MUC4: variants seen among roughly 807,000 people sequenced by gnomAD.
MUC4 encodes the protein mucin-4.
MUC4 carries 202 observed loss-of-function variants against 257.9 expected under a neutral mutation model. The observed-to-expected ratio is 0.78, with a 90% CI of 0.70 to 0.88. The LOEUF (loss-of-function observed/expected upper bound fraction) is 0.88, where lower values mean the gene tolerates loss of function less well. MUC4 is among the 40% of genes least tolerant of loss of function. The pLI is 0.00. For missense variants in MUC4, 5,976 were observed against 6,513.7 expected (o/e 0.92, Z 2.84); for synonymous variants, 2,351 against 2,757.1 (o/e 0.85, Z 4.62).
intron 24 of MUC4, among the ~76,000 whole-genome samples, chr3:195,747,929 G>A (rs73203984): frequency 7.3e-3 from 1,107 of 152,244 alleles, no homozygotes; most frequent in Admixed American, 9.3e-3. Flanking sequence ...GGGCGGCAGG[G>A]ATGCCGGCCA....
chr3:195,758,890 C>T (rs1275176684), intron 17 of MUC4, among the ~76,000 whole-genome samples: 1 of 151,952 alleles, frequency 6.6e-6, no homozygotes, highest in Non-Finnish European at 1.5e-5. Context: ...TTCTATGTGC[C>T]CAGAGTCACT....
chr3:195,775,499 G>C (rs367581382), intron 3 of MUC4, among the ~76,000 whole-genome samples: 516 of 14,406 alleles, frequency 0.036, 2 homozygotes, highest in South Asian at 0.048. Context: ...ACCTTCCACA[G>C]CCATACCTTC....
intron 19 of MUC4, 40 bp from the exon 20 acceptor site, chr3:195,753,270 C>A: frequency 6.3e-7 from 1 of 1,598,612 alleles, no homozygotes; most frequent in Admixed American, 1.7e-5. Flanking sequence ...GCGCGCAGGG[C>A]AGCAGAGGGA....
At chr3:195,759,931 A>ACG (rs1191082105) in intron 16 of MUC4, among the ~76,000 whole-genome samples, 12 of 150,732 alleles carry the variant, frequency 8.0e-5, no homozygotes, top group Admixed American at 1.3e-4. Flanking sequence ...ACACACACAC[A>ACG]CACGCACAAA....
rs1578425236 is a variant in MUC4, at chr3:195,789,217, C to T, written c.2363G>A (p.Ser788Asn). The T allele has an allele frequency of 6.2e-7, 1 of 1,613,834 alleles. No homozygotes were observed. Residue 788 changes from serine (S) to asparagine (N), a missense_variant, in exon 2 of 25, where the codon AGC (serine) becomes AAC (asparagine). Ser to Asn is a conservative substitution (Grantham distance 46, BLOSUM62 1). Coordinates refer to ENST00000463781, the MANE Select transcript of MUC4 (RefSeq NM_018406.7). Reference protein sequence around the residue: ...STEASGQTQTSEPASSGSRTT... With the variant: ...STEASGQTQTNEPASSGSRTT... Reference sequence around the variant, plus strand: ...TCGTGACCCTGAGGAGGCCGGTTCGCTGGTCTGTGTTTGTCCAGAGGCCTC... The same window carrying T: ...TCGTGACCCTGAGGAGGCCGGTTCGTTGGTCTGTGTTTGTCCAGAGGCCTC...
intron 17 of MUC4, 99 bp downstream of exon 17, chr3:195,759,025 A>G: frequency 1.4e-6 from 2 of 1,425,368 alleles, no homozygotes; most frequent in Non-Finnish European, 1.9e-6. Flanking sequence ...AGTGACAGCA[A>G]GTGTTGCTGG....
chr3:195,771,156 T>G (rs1722780735), intron 5 of MUC4, among the ~76,000 whole-genome samples: 1 of 141,498 alleles, frequency 7.1e-6, no homozygotes. Flanking sequence ...CGGGTTGGGG[T>G]ATTCCTGGTC....
At position 195,762,218 on chromosome 3, in the gene MUC4, C is replaced by G. The variant is rs767278865; in HGVS notation, c.14381G>C (p.Ser4794Thr). The G allele has an allele frequency of 6.3e-7, 1 of 1,593,656 alleles. No homozygotes were observed. The highest frequency in any genetic ancestry group is 2.3e-5 in the East Asian group (1 of 43,536). Residue 4794 changes from serine to threonine, a missense_variant, in exon 14 of 25, where the codon AGC becomes ACC. Transcript: ENST00000463781. ...GGCCGAGACCTCAGAGCCGTTGCGG[C>G]TCAGGAGGACTCCGGTGGCGTTGAA... Reference protein sequence around the residue: ...ETFNATGVLLSRNGSEVSASF... With the variant: ...ETFNATGVLLTRNGSEVSASF...
At chr3:195,799,390 A>G (rs543060922) in intron 1 of MUC4, among the ~76,000 whole-genome samples, 2 of 151,270 alleles carry the variant, frequency 1.3e-5, no homozygotes, top group African/African-American at 4.9e-5. Context: ...GCCCACTGCA[A>G]CCTCCACCTC....
intron 16 of MUC4, 58 bp downstream of exon 16, chr3:195,760,826 G>T: frequency 1.4e-6 from 2 of 1,411,346 alleles, no homozygotes; most frequent in Non-Finnish European, 2.0e-6. Flanking sequence ...TCAGGCAAGG[G>T]CAGCTCCTCA....
rs754880210 is a variant in MUC4 at position 195,790,915 on chromosome 3, G to A, written c.665C>T (p.Pro222Leu). 10 of 1,613,722 alleles carry A rather than the reference G, an allele frequency of 6.2e-6. No individual in the cohort carries two copies. Among genetic ancestry groups the A allele is most frequent in the Non-Finnish European group, 7.6e-6 (9 of 1,179,858 alleles). Residue 222 changes from proline to leucine, a missense_variant, in exon 2 of 25, where the codon CCT becomes CTT. By Grantham distance (98) the Pro-to-Leu change is moderately conservative (BLOSUM62 -3). Transcript: ENST00000463781. ...ATTGTGTACACTTGGAGAGAAAGAA[G>A]GAGTTGAAGTGGTTCTGTGTGTTAG... ...STLTHRTTST[P>L]SFSPSVHNVT...
At chr3:195,803,977 T>C (rs552240553) in intron 1 of MUC4, among the ~76,000 whole-genome samples, 4 of 152,290 alleles carry the variant, frequency 2.6e-5, no homozygotes, top group Admixed American at 2.6e-4. Flanking sequence ...GTGTCTCTTT[T>C]CTGGGATGAT....
At chr3:195,800,235 G>A (rs1446803179) in intron 1 of MUC4, among the ~76,000 whole-genome samples, 1 of 151,700 alleles carries the variant, frequency 6.6e-6, no homozygotes, top group African/African-American at 2.4e-5. Context: ...CCGAGATCGC[G>A]CCACTGCACT....
At chr3:195,770,492 TC>T in intron 5 of MUC4, 121 bp from the exon 6 acceptor site, 1 of 1,114,784 alleles carries the variant, frequency 9.0e-7, no homozygotes, top group Non-Finnish European at 1.3e-6. Flanking sequence ...CCCTCCCCTG[TC>T]CCAGGCCTGC....
rs751271832 is a variant in MUC4, at chr3:195,770,354, A to G, written c.13260T>C (p.Tyr4420=). 1.2e-6 allele frequency: 2 copies of G among 1,613,848 alleles called. No homozygotes were observed. Among genetic ancestry groups the G allele is most frequent in the South Asian group, 2.2e-5 (2 of 91,062 alleles). ...GCTGGACTAGCAGGCTGTGTTCACC[A>G]TAGAACGTCTCGTATTCCTAGGAAA... ...TTFYQEYETF[Y]GEHSLLVQQA... is the part of the protein sequence containing the mutation. The change falls in exon 6 of 25, where the codon TAT becomes TAC. Residue 4420 remains tyrosine, a synonymous_variant. Coordinates refer to ENST00000463781, the MANE Select transcript of MUC4 (RefSeq NM_018406.7).
At chr3:195,766,857 G>C (rs1720621412) in intron 7 of MUC4, 106 bp from the exon 8 acceptor site, 1 of 994,166 alleles carries the variant, frequency 1.0e-6, no homozygotes, top group Non-Finnish European at 1.5e-6. Context: ...TGGTCAACCA[G>C]CTAGGCGGGC....
At position 195,761,646 on chromosome 3, in the gene MUC4, C is replaced by A. The variant is rs761111936; in HGVS notation, c.14513-61G>T. 5.5e-5 allele frequency: 73 copies of A among 1,334,266 alleles called. No individual in the cohort carries two copies. The South Asian group carries it at 7.3e-4, about 13-fold the overall frequency. The allele number at this position is 1,334,266 out of a possible 1,614,324, so 82.7% of individuals were successfully genotyped here. On this transcript the variant is annotated intron_variant, in intron 14 of 24. Transcript: ENST00000463781. ...ACGCGGCTGTCCCCTTCCTGGGGAG[C>A]ATCCGGCGGACGCAGTGGGGAGAGG...
At chr3:195,772,449 A>G (rs1218820230) in intron 4 of MUC4, among the ~76,000 whole-genome samples, 2 of 134,490 alleles carry the variant, frequency 1.5e-5, no homozygotes, top group Non-Finnish European at 3.2e-5. Flanking sequence ...TCCATCGCTC[A>G]GGGGTGTAGA....
rs780646848 is a variant in MUC4, at chr3:195,789,511, C to T, written c.2069G>A (p.Ser690Asn). 7.4e-6 allele frequency: 12 copies of T among 1,613,772 alleles called. 1 individual carries two copies. The South Asian group carries it at 1.1e-4, about 15-fold the overall frequency. Residue 690 changes from serine to asparagine, a missense_variant, in exon 2 of 25, where the codon AGT (serine) becomes AAT (asparagine). By Grantham distance (46) the Ser-to-Asn change is conservative (BLOSUM62 1). Transcript: ENST00000463781. ...EIVPQDAPTI[S>N]AATTFAPAPT... ...AGCTGGGGCAAAGGTTGTTGCTGCA[C>T]TTATGGTGGGTGCGTCCTGAGGAAC...
Sources: allele counts gnomAD v4.1 joint callset (sites outside exome capture counted in the v4.1 genomes callset), GRCh38; gene constraint gnomAD v4.1.1; transcripts MANE v1.5; gene names NCBI Gene and HGNC (gene_info 2026-07-23, HGNC 2026-07-21).